NFIB: variants seen among roughly 807,000 people sequenced by gnomAD.
The protein encoded by NFIB is nuclear factor 1 B-type.
In NFIB, 11 loss-of-function variants were observed where a neutral mutation model predicts 61.5. The ratio of observed to expected loss-of-function variants is 0.18; its 90% CI spans 0.11 to 0.30. The LOEUF is 0.30. NFIB is among the 10% of genes least tolerant of loss of function. The pLI, the probability that NFIB is intolerant of heterozygous loss-of-function variation, is 1.00. For synonymous variants in NFIB, 260 were observed against 216.5 expected, an observed-to-expected ratio of 1.20 and a Z score of -1.76; for missense variants, 471 against 608.9, an observed-to-expected ratio of 0.77 and a Z score of 2.38.
chr9:14,341,647 T>C (rs887735721), intron 1 of NFIB, among the ~76,000 whole-genome samples: 2 of 152,112 alleles, frequency 1.3e-5, no homozygotes, highest in African/African-American at 4.8e-5. Context: ...ATGGGGTATC[T>C]GTAGAATAGA....
chr9:14,123,561 G>C (rs949771087), intron 7 of NFIB, among the ~76,000 whole-genome samples: 1 of 152,202 alleles, frequency 6.6e-6, no homozygotes, highest in Non-Finnish European at 1.5e-5. Context: ...CAGGTACTCT[G>C]AGACCGAGTC....
At chr9:14,335,071 G>A (rs2060869591) in intron 1 of NFIB, among the ~76,000 whole-genome samples, 1 of 151,980 alleles carries the variant, frequency 6.6e-6, no homozygotes, top group Admixed American at 6.6e-5. Flanking sequence ...TAATTTATCT[G>A]TCACCTGTTG....
intron 2 of NFIB, among the ~76,000 whole-genome samples, chr9:14,215,047 A>G (rs2050706962): frequency 6.6e-6 from 1 of 152,260 alleles, no homozygotes; most frequent in Non-Finnish European, 1.5e-5. Flanking sequence ...ACCTGTATAT[A>G]GTATTTAATT....
the NFIB span, among the ~76,000 whole-genome samples, chr9:14,468,761 T>C: frequency 6.6e-6 from 1 of 152,248 alleles, no homozygotes; most frequent in East Asian, 1.9e-4. Context: ...TCTACATACA[T>C]ATTTTGTTAA....
At chr9:14,175,606 G>C (rs948405932) in intron 3 of NFIB, among the ~76,000 whole-genome samples, 1 of 152,096 alleles carries the variant, frequency 6.6e-6, no homozygotes, top group Admixed American at 6.6e-5. Context: ...GCTTACTTGA[G>C]GTACACCCAA....
At chr9:14,167,936 T>A (rs1387874447) in intron 3 of NFIB, among the ~76,000 whole-genome samples, 2 of 152,226 alleles carry the variant, frequency 1.3e-5, no homozygotes, top group African/African-American at 4.8e-5. Flanking sequence ...CACCTGAGAT[T>A]AGTATTCTGA....
intron 2 of NFIB, among the ~76,000 whole-genome samples, chr9:14,263,900 T>G (rs756375269): frequency 7.2e-5 from 11 of 152,242 alleles, no homozygotes; most frequent in Non-Finnish European, 1.2e-4. Context: ...TCCTGTGTTA[T>G]GTCCATGTCT....
chr9:14,140,053 A>C (rs2041508852), intron 6 of NFIB, among the ~76,000 whole-genome samples: 1 of 152,212 alleles, frequency 6.6e-6, no homozygotes, highest in Non-Finnish European at 1.5e-5. Flanking sequence ...TTCATCCACC[A>C]AAAGCATTTG....
intron 2 of NFIB, among the ~76,000 whole-genome samples, chr9:14,272,852 C>A (rs1278149968): frequency 6.6e-6 from 1 of 152,010 alleles, no homozygotes; most frequent in African/African-American, 2.4e-5. Context: ...AGTCTTTTCT[C>A]TCGGTAAACA....
the NFIB span, among the ~76,000 whole-genome samples, chr9:14,489,229 G>A: frequency 3.9e-5 from 6 of 152,166 alleles, no homozygotes; most frequent in African/African-American, 1.4e-4. Flanking sequence ...GTAGTTTCAT[G>A]TAAATGTTCA....
chr9:14,489,401 T>C, the NFIB span, among the ~76,000 whole-genome samples: 1 of 152,214 alleles, frequency 6.6e-6, no homozygotes, highest in Non-Finnish European at 1.5e-5. Context: ...CATCTTATCT[T>C]ATGGCTATTT....
intron 2 of NFIB, among the ~76,000 whole-genome samples, chr9:14,289,927 T>C (rs976277898): frequency 6.6e-6 from 1 of 152,024 alleles, no homozygotes; most frequent in African/African-American, 2.4e-5. Flanking sequence ...GATTTTAAAG[T>C]CTTAGTTCCT....
the NFIB span, among the ~76,000 whole-genome samples, chr9:14,454,314 T>C: frequency 2.0e-5 from 3 of 152,244 alleles, no homozygotes; most frequent in Non-Finnish European, 4.4e-5. Context: ...GAGAAGATTA[T>C]GTTGCTATTT....
intron 1 of NFIB, among the ~76,000 whole-genome samples, chr9:14,345,119 C>T (rs559799199): frequency 9.6e-4 from 146 of 152,206 alleles, no homozygotes; most frequent in Non-Finnish European, 1.5e-3. Flanking sequence ...CACACTTTCG[C>T]GGCGGAAGTG....
intron 1 of NFIB, among the ~76,000 whole-genome samples, chr9:14,308,485 C>T (rs781505591): frequency 1.3e-5 from 2 of 152,146 alleles, no homozygotes; most frequent in African/African-American, 2.4e-5. Flanking sequence ...ATTTGTTCAC[C>T]GATCACATGA....
chr9:14,229,702 C>T (rs1266857835), intron 2 of NFIB, among the ~76,000 whole-genome samples: 4 of 152,174 alleles, frequency 2.6e-5, no homozygotes, highest in Admixed American at 6.5e-5. Flanking sequence ...TCCACCTTCC[C>T]TTCCGGGCTT....
chr9:14,444,058 T>C, the NFIB span, among the ~76,000 whole-genome samples: 1 of 152,210 alleles, frequency 6.6e-6, no homozygotes. Flanking sequence ...GCAAAATTAT[T>C]TGTCATTTTC....
chr9:14,313,455 G>A lies in NFIB; in HGVS notation c.30+27C>T, dbSNP rs2060388109. 15 of 1,613,722 alleles carry A rather than the reference G, an allele frequency of 9.3e-6. No individual in the cohort carries two copies. The highest frequency in any genetic ancestry group is 1.3e-5 in the Non-Finnish European group (15 of 1,179,826). On this transcript the variant is annotated intron_variant, in intron 1 of 10. Transcript: ENST00000380953. The surrounding 1 kb of genome is among the most constrained non-coding windows in gnomAD (Gnocchi z 4.5). ...AAAGGCATTTCGGGCCAGAGAGAAAGCTCGAGAAAGCGACCGAGACATGTA... is the reference window on the plus strand; with the variant it reads ...AAAGGCATTTCGGGCCAGAGAGAAAACTCGAGAAAGCGACCGAGACATGTA...
chr9:14,296,960 G>A (rs961354016), intron 2 of NFIB, among the ~76,000 whole-genome samples: 8 of 152,164 alleles, frequency 5.3e-5, no homozygotes, highest in African/African-American at 1.2e-4. Context: ...TCTAAGCCCC[G>A]CCTTTCTCTT....
Sources: allele counts gnomAD v4.1 joint callset (sites outside exome capture counted in the v4.1 genomes callset), GRCh38; gene constraint gnomAD v4.1.1; non-coding constraint Gnocchi (gnomAD v3.1); transcripts MANE v1.5; gene names NCBI Gene and HGNC (gene_info 2026-07-23, HGNC 2026-07-21).